The following DENND5A variants were observed in gnomAD, a reference collection of about 807,000 sequenced individuals.
The protein encoded by DENND5A is DENN domain containing 5A, also known as DENN domain-containing protein 5A.
DENND5A carries 64 observed loss-of-function variants against 140.3 expected under a neutral mutation model. The observed-to-expected ratio is 0.46, with a 90% CI of 0.37 to 0.56. The LOEUF is 0.56. Among genes scored for constraint, DENND5A ranks in the 20% least tolerant of loss-of-function variants. DENND5A has a pLI of 0.00. For missense variants in DENND5A, 1,292 were observed against 1,593.8 expected (o/e 0.81, Z 3.22); for synonymous variants, 605 against 607.7 (o/e 1.00, Z 0.07).
intron 10 of DENND5A, among the ~76,000 whole-genome samples, chr11:9,167,210 C>A (rs1440222185): frequency 6.6e-6 from 1 of 152,098 alleles, no homozygotes; most frequent in Admixed American, 6.6e-5. Context: ...TCCCTTCCCC[C>A]ATATTTATTC....
chr11:9,186,912 C>G (rs1848932969), intron 5 of DENND5A, among the ~76,000 whole-genome samples: 1 of 152,124 alleles, frequency 6.6e-6, no homozygotes, highest in Admixed American at 6.6e-5. Flanking sequence ...GAAACCCCGT[C>G]TCTACTAAAA....
chr11:9,152,538 G>A, intron 12 of DENND5A, 96 bp from the exon 13 acceptor site: 1 of 841,572 alleles, frequency 1.2e-6, no homozygotes, highest in Non-Finnish European at 2.1e-6. Context: ...AAAAATATAT[G>A]TACTGTTTCT....
Position 9,153,895 on chromosome 11 carries a change from T to C in DENND5A, c.2437-1453A>G, listed in dbSNP as rs140936877. Among the ~76,000 whole-genome samples the C allele has an allele frequency of 3.0e-3, 458 of 152,352 alleles. 1 individual carries two copies. The highest frequency in any genetic ancestry group is 0.01 in the African/African-American group (433 of 41,586). ...TTGCAAGCCTGATGTGAGGGAGTAATTCACCTGGGTAATGAGTGAGCCCAG... is the reference window on the plus strand; with the variant it reads ...TTGCAAGCCTGATGTGAGGGAGTAACTCACCTGGGTAATGAGTGAGCCCAG... On this transcript the variant is annotated intron_variant, in intron 12 of 22. Coordinates refer to ENST00000328194, the MANE Select transcript of DENND5A (RefSeq NM_015213.4).
chr11:9,157,561 C>T (rs149235857), intron 12 of DENND5A, among the ~76,000 whole-genome samples: 360 of 152,252 alleles, frequency 2.4e-3, no homozygotes, highest in African/African-American at 8.4e-3. Context: ...TTAGCTCCCA[C>T]TTATAAGTGA....
At chr11:9,145,506 G>A in intron 17 of DENND5A, 164 bp downstream of exon 17, 1 of 795,142 alleles carries the variant, frequency 1.3e-6, no homozygotes, top group Non-Finnish European at 2.0e-6. Context: ...CCCCTCCTCA[G>A]GGTCAGTCTT....
intron 5 of DENND5A, among the ~76,000 whole-genome samples, chr11:9,181,893 A>C (rs1848744448): frequency 6.6e-6 from 1 of 152,066 alleles, no homozygotes; most frequent in Non-Finnish European, 1.5e-5. Context: ...TCTGAGCCTC[A>C]GTCTTAATTT....
chr11:9,148,833 T>C (rs1590207868), intron 15 of DENND5A, among the ~76,000 whole-genome samples: 1 of 152,294 alleles, frequency 6.6e-6, no homozygotes, highest in South Asian at 2.1e-4. Flanking sequence ...GGCTAGAACT[T>C]CAGATGTGGG....
chr11:9,236,443 A>C (rs1225721500), intron 1 of DENND5A, among the ~76,000 whole-genome samples: 2 of 148,556 alleles, frequency 1.3e-5, no homozygotes, highest in Non-Finnish European at 3.0e-5. Context: ...GAGGCAGGAG[A>C]ATTGCTCAAA....
At chr11:9,249,251 A>G (rs749556180) in intron 1 of DENND5A, among the ~76,000 whole-genome samples, 13 of 152,280 alleles carry the variant, frequency 8.5e-5, no homozygotes, top group Non-Finnish European at 1.5e-4. Flanking sequence ...AAAAGAACCA[A>G]GTCCTCTGAC....
At chr11:9,245,986 GTA>G (rs2136281652) in intron 1 of DENND5A, among the ~76,000 whole-genome samples, 1 of 152,194 alleles carries the variant, frequency 6.6e-6, no homozygotes, top group South Asian at 2.1e-4. Flanking sequence ...ACTACATAAA[GTA>G]CGTTTTTCTA....
chr11:9,180,784 C>T lies in DENND5A; in HGVS notation c.1438G>A (p.Gly480Arg). 1 of 1,614,116 alleles carries T rather than the reference C, an allele frequency of 6.2e-7. No individual in the cohort carries two copies. The highest frequency in any genetic ancestry group is 8.5e-7 in the Non-Finnish European group (1 of 1,179,976). The change falls in exon 6 of 23, where the codon GGG becomes AGG. Residue 480 changes from glycine (G) to arginine (R), a missense_variant. Physicochemically the swap from Gly to Arg is moderately radical, Grantham distance 125. This residue lies in a region of DENND5A where 566 missense variants were observed against 650.4 expected (regional missense o/e 0.87). Transcript: ENST00000328194. ...CATCTTACCTTTTCCAGGCTCACCC[C>T]AGTTCTCTTGACCAAGGCTTGCAGC... The part of the protein sequence containing the change: ...ARLQALVKRT[G>R]VSLEKLEVRE...
chr11:9,168,205 T>C (rs1174887398), intron 10 of DENND5A, among the ~76,000 whole-genome samples: 10 of 151,808 alleles, frequency 6.6e-5, no homozygotes, highest in Non-Finnish European at 1.5e-4. Context: ...TTCCCACATG[T>C]TGTGGGAGGG....
chr11:9,230,810 T>C (rs1368956576), intron 1 of DENND5A, among the ~76,000 whole-genome samples: 2 of 151,752 alleles, frequency 1.3e-5, no homozygotes, highest in Non-Finnish European at 2.9e-5. Context: ...CCAGACAACA[T>C]AGGGAGACCG....
intron 1 of DENND5A, among the ~76,000 whole-genome samples, chr11:9,261,777 C>CAAAAAAA (rs10651988): frequency 8.9e-5 from 8 of 89,772 alleles, no homozygotes; most frequent in Admixed American, 2.8e-4. Context: ...GACTGTGTCT[C>CAAAAAAA]AAAAAAAAAA....
chr11:9,174,949 T>C (rs1295755246), intron 8 of DENND5A, among the ~76,000 whole-genome samples: 1 of 147,900 alleles, frequency 6.8e-6, no homozygotes, highest in Non-Finnish European at 1.5e-5. Context: ...GCCAGTGTAA[T>C]ACAGAAAAAA....
At chr11:9,206,559 T>A in intron 3 of DENND5A, 114 bp downstream of exon 3, 1 of 773,248 alleles carries the variant, frequency 1.3e-6, no homozygotes, top group South Asian at 1.5e-5. Context: ...TTATAATCCT[T>A]TCTTCAAAAG....
chr11:9,225,888 C>T (rs1850510942), intron 1 of DENND5A, among the ~76,000 whole-genome samples: 1 of 152,178 alleles, frequency 6.6e-6, no homozygotes, highest in Admixed American at 6.5e-5. Context: ...AGGTCAAGAC[C>T]AGCCTGGACA....
chr11:9,139,355 T>A lies in DENND5A; in HGVS notation c.*316A>T. ...GGAAACATAACTGTCCCGCACGCAG[T>A]GCCACAGGCTCAGTCCAGGGAGGCC... On this transcript the variant is annotated 3_prime_UTR_variant, in exon 23 of 23. Transcript: ENST00000328194. The A allele has an allele frequency of 3.0e-6, 1 of 328,506 alleles. No individual in the cohort carries two copies. Among genetic ancestry groups the A allele is most frequent in the Non-Finnish European group, 5.7e-6 (1 of 176,366 alleles). 20.3% of individuals were successfully genotyped at this position (328,506 alleles called of 1,614,324 possible).
intron 12 of DENND5A, 28 bp from the exon 13 acceptor site, chr11:9,152,470 T>C: frequency 6.6e-7 from 1 of 1,521,926 alleles, no homozygotes; most frequent in Non-Finnish European, 9.1e-7. Context: ...GAGAAACACC[T>C]ATCAGTTTAG....
Sources: allele counts gnomAD v4.1 joint callset (sites outside exome capture counted in the v4.1 genomes callset), GRCh38; gene constraint gnomAD v4.1.1; regional missense constraint gnomAD v4.1.1; transcripts MANE v1.5; gene names NCBI Gene and HGNC (gene_info 2026-07-23, HGNC 2026-07-21).